The following SLC10A7 variants were observed in gnomAD, a reference collection of about 807,000 sequenced individuals.
The protein encoded by SLC10A7 is solute carrier family 10 member 7.
SLC10A7 carries 29 observed loss-of-function variants against 43.2 expected under a neutral mutation model. The observed-to-expected ratio is 0.67, with a 90% CI of 0.50 to 0.92. The LOEUF is 0.92. Ranked by LOEUF, SLC10A7 falls within the 40% of genes least tolerant of loss-of-function variation. The probability of loss-of-function intolerance (pLI) is 0.00; values close to 1 mark genes in which losing one functional copy is unlikely to be tolerated. For missense variants in SLC10A7, 295 were observed against 403.2 expected, an observed-to-expected ratio of 0.73 and a Z score of 2.30; for synonymous variants, 152 against 144.8, an observed-to-expected ratio of 1.05 and a Z score of -0.35.
At chr4:146,367,389 G>A (rs1384439375) in intron 5 of SLC10A7, among the ~76,000 whole-genome samples, 1 of 151,616 alleles carries the variant, frequency 6.6e-6, no homozygotes, top group Non-Finnish European at 1.5e-5. Flanking sequence ...GCACTTGAAA[G>A]GTGGCTAGTG....
chr4:146,422,707 G>A (rs1729045438), intron 5 of SLC10A7, among the ~76,000 whole-genome samples: 1 of 152,018 alleles, frequency 6.6e-6, no homozygotes, highest in Non-Finnish European at 1.5e-5. Context: ...TCTACAATGT[G>A]CTAATATTAT....
At chr4:146,368,266 C>G (rs1386401206) in intron 5 of SLC10A7, among the ~76,000 whole-genome samples, 1 of 152,098 alleles carries the variant, frequency 6.6e-6, no homozygotes, top group Admixed American at 6.5e-5. Context: ...AGAAATCAAC[C>G]CTTTCAGTCA....
At chr4:146,478,882 T>G (rs1002893942) in intron 4 of SLC10A7, among the ~76,000 whole-genome samples, 1 of 152,052 alleles carries the variant, frequency 6.6e-6, no homozygotes, top group Non-Finnish European at 1.5e-5. Context: ...ATATTCATAG[T>G]CACAATATCA....
intron 10 of SLC10A7, among the ~76,000 whole-genome samples, chr4:146,267,476 TG>T (rs1728632856): frequency 1.3e-5 from 2 of 152,234 alleles, no homozygotes; most frequent in African/African-American, 2.4e-5. Context: ...TCACGTGACC[TG>T]CTCTCATTGC....
chr4:146,433,832 A>G, intron 5 of SLC10A7, among the ~76,000 whole-genome samples: 1 of 152,188 alleles, frequency 6.6e-6, no homozygotes, highest in East Asian at 1.9e-4. Context: ...ATCCTGGGTG[A>G]CAGAGCCAAA....
intron 2 of SLC10A7, among the ~76,000 whole-genome samples, chr4:146,516,140 C>T (rs1737937413): frequency 6.6e-6 from 1 of 151,908 alleles, no homozygotes; most frequent in Admixed American, 6.6e-5. Context: ...AAACAAAATA[C>T]CTTCTTATAG....
At chr4:146,284,617 T>A (rs1187439182) in intron 9 of SLC10A7, among the ~76,000 whole-genome samples, 1 of 152,214 alleles carries the variant, frequency 6.6e-6, no homozygotes, top group Non-Finnish European at 1.5e-5. Context: ...TCAAACTGAA[T>A]TTTTGGTGTC....
chr4:146,494,143 A>C (rs535764422), intron 4 of SLC10A7, among the ~76,000 whole-genome samples: 1 of 152,216 alleles, frequency 6.6e-6, no homozygotes, highest in South Asian at 2.1e-4. Context: ...ATATCAATGC[A>C]TGAGATCCTT....
chr4:146,337,396 T>C (rs773924052), intron 5 of SLC10A7, among the ~76,000 whole-genome samples: 50 of 151,966 alleles, frequency 3.3e-4, no homozygotes, highest in Non-Finnish European at 5.4e-4. Flanking sequence ...GAGCAGCCAA[T>C]TATTAGTAGC....
intron 10 of SLC10A7, among the ~76,000 whole-genome samples, chr4:146,268,665 AACTACCATTGTTATCCTC>A (rs1164195173): frequency 1.3e-5 from 2 of 152,200 alleles, no homozygotes; most frequent in African/African-American, 4.8e-5. Context: ...TGATGAGTGA[AACTACCATTGTTATCCTC>A]ACTTTTCAGA....
chr4:146,445,776 A>G (rs550073529), intron 4 of SLC10A7, among the ~76,000 whole-genome samples: 1 of 151,982 alleles, frequency 6.6e-6, no homozygotes, highest in African/African-American at 2.4e-5. Context: ...TGGGACGAAA[A>G]TCTTCCGCGG....
At chr4:146,428,649 T>C (rs1407987864) in intron 5 of SLC10A7, among the ~76,000 whole-genome samples, 3 of 152,088 alleles carry the variant, frequency 2.0e-5, no homozygotes, top group Non-Finnish European at 2.9e-5. Flanking sequence ...CATACTTATA[T>C]TTTTACTTCT....
intron 5 of SLC10A7, among the ~76,000 whole-genome samples, chr4:146,336,154 A>C (rs377417858): frequency 7.9e-5 from 12 of 152,280 alleles, no homozygotes; most frequent in South Asian, 6.2e-4. Context: ...ACACTTCTGC[A>C]ATTACTCAAC....
intron 7 of SLC10A7, among the ~76,000 whole-genome samples, chr4:146,304,341 T>C (rs1037079127): frequency 3.3e-5 from 5 of 151,784 alleles, no homozygotes; most frequent in African/African-American, 9.7e-5. Flanking sequence ...GGAGACCTTA[T>C]CAAAAGTTGC....
chr4:146,457,372 T>C lies in SLC10A7; in HGVS notation c.397-14551A>G, dbSNP rs557788764. Among the ~76,000 whole-genome samples the C allele has an allele frequency of 7.2e-5, 11 of 152,128 alleles. No homozygotes were observed. In the East Asian group the frequency reaches 2.1e-3, roughly 29 times the overall value. On this transcript the variant is annotated intron_variant, in intron 4 of 11. Coordinates refer to ENST00000335472, the MANE Select transcript of SLC10A7 (RefSeq NM_001029998.6). ...TCCATCTCCTCAAGCATCCATCCCT[T>C]GTGTTACAAACAACCCAATTATACT...
intron 5 of SLC10A7, among the ~76,000 whole-genome samples, chr4:146,435,616 A>G (rs1177266024): frequency 6.6e-6 from 1 of 152,166 alleles, no homozygotes; most frequent in Non-Finnish European, 1.5e-5. Flanking sequence ...TTAGCTCAAC[A>G]AATAGATTAA....
chr4:146,491,851 T>C (rs1025411024), intron 4 of SLC10A7, among the ~76,000 whole-genome samples: 3 of 152,144 alleles, frequency 2.0e-5, no homozygotes, highest in African/African-American at 7.2e-5. Context: ...TGGATCCAGG[T>C]GTTCTTGGCC....
chr4:146,335,250 GTAAAAAAAAAAAAAAAA>G (rs1185123344), intron 5 of SLC10A7, among the ~76,000 whole-genome samples: 111 of 70,624 alleles, frequency 1.6e-3, no homozygotes, highest in Non-Finnish European at 2.0e-3. Flanking sequence ...CACAGATGTT[GTAAAAAAAAAAAAAAAA>G]AAAAAAAAAA....
At chr4:146,430,057 G>A (rs1729659019) in intron 5 of SLC10A7, among the ~76,000 whole-genome samples, 1 of 145,860 alleles carries the variant, frequency 6.9e-6, no homozygotes, top group African/African-American at 2.8e-5. Flanking sequence ...AGAAAACATA[G>A]GGGAAAAATC....
Sources: allele counts gnomAD v4.1 joint callset (sites outside exome capture counted in the v4.1 genomes callset), GRCh38; gene constraint gnomAD v4.1.1; transcripts MANE v1.5; gene names NCBI Gene and HGNC (gene_info 2026-07-23, HGNC 2026-07-21).